Variants in CYP51A1 observed in about 807,000 individuals in gnomAD.
CYP51A1 encodes lanosterol 14-alpha demethylase.
In CYP51A1, 45 loss-of-function variants were observed where a neutral mutation model predicts 53.5. The ratio of observed to expected loss-of-function variants is 0.84; its 90% CI spans 0.66 to 1.08. The LOEUF (loss-of-function observed/expected upper bound fraction) is 1.08. Among genes scored for constraint, CYP51A1 ranks in the 50% least tolerant of loss-of-function variants. CYP51A1 has a pLI of 0.00. For missense variants in CYP51A1, 462 were observed against 621.7 expected, an observed-to-expected ratio of 0.74 and a Z score of 2.73; for synonymous variants, 181 against 217.7, an observed-to-expected ratio of 0.83 and a Z score of 1.48.
rs141009880 is a variant in CYP51A1, at chr7:92,123,803, A to G, written c.821T>C (p.Ile274Thr). The G allele has an allele frequency of 1.2e-6, 2 of 1,609,694 alleles. No homozygotes were observed. The highest frequency in any genetic ancestry group is 2.7e-5 in the African/African-American group (2 of 74,856). ...REIKDIFYKA[I>T]QKRRQSQEKI... ...TTCTTGAGACTGTCTGCGTTTCTGGATTGCCTTATAGAAAATATCCTTGAT... is the reference window on the plus strand; with the variant it reads ...TTCTTGAGACTGTCTGCGTTTCTGGGTTGCCTTATAGAAAATATCCTTGAT... The change falls in exon 6 of 10, where the codon ATC (isoleucine) becomes ACC (threonine). Residue 274 changes from isoleucine (I) to threonine (T), a missense_variant. Ile to Thr is a moderately conservative substitution (Grantham distance 89). Coordinates refer to ENST00000003100, the MANE Select transcript of CYP51A1 (RefSeq NM_000786.4).
intron 4 of CYP51A1, among the ~76,000 whole-genome samples, chr7:92,127,232 G>A (rs576894235): frequency 6.6e-6 from 1 of 152,300 alleles, no homozygotes; most frequent in South Asian, 2.1e-4. Flanking sequence ...ATAGTGACCT[G>A]CTGCCCTGGG....
chr7:92,130,028 G>T (rs1819886060), intron 2 of CYP51A1, among the ~76,000 whole-genome samples: 3 of 152,076 alleles, frequency 2.0e-5, no homozygotes, highest in Non-Finnish European at 4.4e-5. Flanking sequence ...CAGAGAAAAA[G>T]GAAAGATGCC....
At chr7:92,134,102 C>A (rs1313846601) in intron 1 of CYP51A1, 71 bp downstream of exon 1, 1 of 1,483,456 alleles carries the variant, frequency 6.7e-7, no homozygotes, top group Non-Finnish European at 9.3e-7. Flanking sequence ...GCCACGGAGC[C>A]GCCCACGCCA....
intron 1 of CYP51A1, among the ~76,000 whole-genome samples, chr7:92,133,195 C>CA (rs1239938521): frequency 6.6e-6 from 1 of 151,854 alleles, no homozygotes; most frequent in African/African-American, 2.4e-5. Context: ...GTAAAAGGCA[C>CA]AATCAAATAA....
At chr7:92,124,026 C>G (rs977693057) in intron 5 of CYP51A1, among the ~76,000 whole-genome samples, 173 bp from the exon 6 acceptor site, 8 of 152,120 alleles carry the variant, frequency 5.3e-5, no homozygotes, top group African/African-American at 1.9e-4. Flanking sequence ...TCATGAAAAT[C>G]TTACATTGTT....
intron 7 of CYP51A1, among the ~76,000 whole-genome samples, chr7:92,119,837 T>C (rs1018904157): frequency 6.6e-6 from 1 of 152,132 alleles, no homozygotes; most frequent in African/African-American, 2.4e-5. Flanking sequence ...AATCAGCTAT[T>C]ATAAACAGGT....
chr7:92,131,859 TATGGAGGAC>T lies in CYP51A1; in HGVS notation c.197_205del (p.Ser66_Tyr69delinsAsn). On this transcript the variant is annotated inframe_deletion, in exon 2 of 10. Coordinates refer to ENST00000003100, the MANE Select transcript of CYP51A1 (RefSeq NM_000786.4). ...AAGGAATGGAATTGGGGAGAAAATG[TATGGAGGAC>T]TTTTCTACAAGAGAAAAAAATAGTA... is the stretch of plus-strand genomic sequence containing the variant. 6.3e-7 allele frequency: 1 copy of T among 1,581,258 alleles called. No individual in the cohort carries two copies. The highest frequency in any genetic ancestry group is 8.7e-7 in the Non-Finnish European group (1 of 1,152,542).
chr7:92,127,357 T>G (rs1225616470), intron 4 of CYP51A1, 148 bp downstream of exon 4: 1 of 714,668 alleles, frequency 1.4e-6, no homozygotes, highest in Non-Finnish European at 2.2e-6. Flanking sequence ...TACAACTTCA[T>G]GGTAATCATT....
chr7:92,134,733 CG>C (rs1397203032), upstream of CYP51A1: 17 of 221,096 alleles, frequency 7.7e-5, no homozygotes, highest in Middle Eastern at 1.5e-3. Flanking sequence ...TGCGGGGTGC[CG>C]GGACACGGCG....
At chr7:92,132,044 C>T (rs1398960826) in intron 1 of CYP51A1, 172 bp from the exon 2 acceptor site, 4 of 553,442 alleles carry the variant, frequency 7.2e-6, no homozygotes, top group Non-Finnish European at 1.3e-5. Flanking sequence ...TTGCAAATAC[C>T]TCAAGAGAGT....
At position 92,113,848 on chromosome 7, in the gene CYP51A1, AAAAAAG is replaced by A. The variant is rs1563175893; in HGVS notation, c.1352-11_1352-6del. 3.2e-6 allele frequency: 5 copies of A among 1,573,910 alleles called. No homozygotes were observed. Among genetic ancestry groups the A allele is most frequent in the Non-Finnish European group, 4.3e-6 (5 of 1,163,372 alleles). On this transcript the variant is annotated splice_polypyrimidine_tract_variant and splice_region_variant and intron_variant, in intron 9 of 9. Coordinates refer to ENST00000003100, the MANE Select transcript of CYP51A1 (RefSeq NM_000786.4). ...CCCCAATACAACGATGACGCCCTAAAAAAAAGAAAAAGTTATAAGAATCAGTTTAAA... is the reference window on the plus strand; with the variant it reads ...CCCCAATACAACGATGACGCCCTAAAAAAAAGTTATAAGAATCAGTTTAAA...
At chr7:92,115,254 A>G (rs1451794705) in intron 9 of CYP51A1, among the ~76,000 whole-genome samples, 3 of 152,230 alleles carry the variant, frequency 2.0e-5, no homozygotes, top group African/African-American at 4.8e-5. Flanking sequence ...ATCCCCCCAT[A>G]AATTCAAGTC....
chr7:92,131,522 C>A (rs1035207316), intron 2 of CYP51A1, among the ~76,000 whole-genome samples: 1 of 152,154 alleles, frequency 6.6e-6, no homozygotes, highest in Admixed American at 6.5e-5. Context: ...GGCTTTTAAA[C>A]CATAGTTGCC....
chr7:92,131,918 G>T, intron 1 of CYP51A1, 46 bp from the exon 2 acceptor site: 2 of 1,182,594 alleles, frequency 1.7e-6, no homozygotes, highest in Non-Finnish European at 2.5e-6. Context: ...TTCATTTCAA[G>T]AGAGAAACCC....
chr7:92,113,683 G>A lies in CYP51A1; in HGVS notation c.1512C>T (p.Tyr504=). 6.2e-7 allele frequency: 1 copy of A among 1,611,298 alleles called. No homozygotes were observed. The highest frequency in any genetic ancestry group is 2.2e-5 in the East Asian group (1 of 44,758). The change falls in exon 10 of 10, where the codon TAC becomes TAT. Residue 504 remains tyrosine, a synonymous_variant. Coordinates refer to ENST00000003100, the MANE Select transcript of CYP51A1 (RefSeq NM_000786.4). ...IHTPENPVIR[Y]KRRSK ...ACCTTTTTCATTTTGATCTTCGTTT[G>A]TAACGGATAACTGGGTTTTCAGGGG...
chr7:92,122,873 G>A (rs1408690087), intron 7 of CYP51A1, among the ~76,000 whole-genome samples: 1 of 152,160 alleles, frequency 6.6e-6, no homozygotes, highest in East Asian at 1.9e-4. Context: ...AGCAGAGGAA[G>A]TAAGTACCAA....
At position 92,127,504 on chromosome 7, in the gene CYP51A1, C is replaced by T; in HGVS notation, c.595+1G>A. The T allele has an allele frequency of 6.2e-7, 1 of 1,605,034 alleles. No homozygotes were observed. The highest frequency in any genetic ancestry group is 8.5e-7 in the Non-Finnish European group (1 of 1,177,516). On this transcript the variant is annotated splice_donor_variant, in intron 4 of 9. Coordinates refer to ENST00000003100, the MANE Select transcript of CYP51A1 (RefSeq NM_000786.4). LOFTEE classifies it high-confidence loss of function. ...GGACAAACATAAAACATTTTGCTTA[C>T]TTTTTTCTCCACTTTCTCCCCAACT...
At chr7:92,125,189 A>T in intron 5 of CYP51A1, among the ~76,000 whole-genome samples, 1 of 151,294 alleles carries the variant, frequency 6.6e-6, no homozygotes, top group Non-Finnish European at 1.5e-5. Flanking sequence ...TGGAGAACCC[A>T]CTATGAGTCC....
chr7:92,131,906 G>C, intron 1 of CYP51A1, 34 bp from the exon 2 acceptor site: 1 of 1,295,736 alleles, frequency 7.7e-7, no homozygotes, highest in Non-Finnish European at 1.1e-6. Flanking sequence ...TTCAATTCGT[G>C]TTTCATTTCA....
Sources: allele counts gnomAD v4.1 joint callset (sites outside exome capture counted in the v4.1 genomes callset), GRCh38; gene constraint gnomAD v4.1.1; transcripts MANE v1.5; gene names NCBI Gene and HGNC (gene_info 2026-07-23, HGNC 2026-07-21).